Variants in CNTN5 observed in about 807,000 individuals in gnomAD.
The protein encoded by CNTN5 is contactin-5.
In CNTN5, 77 loss-of-function variants were observed where a neutral mutation model predicts 129.1. The ratio of observed to expected loss-of-function variants is 0.60; its 90% CI spans 0.50 to 0.72. The LOEUF is 0.72. Ranked by LOEUF, CNTN5 falls within the 30% of genes least tolerant of loss-of-function variation. The pLI is 0.00. For synonymous variants in CNTN5, 509 were observed against 465.6 expected (o/e 1.09, Z -1.20); for missense variants, 1,478 against 1,328.8 (o/e 1.11, Z -1.75).
At chr11:99,025,435 A>G (rs1863069290) in intron 1 of CNTN5, among the ~76,000 whole-genome samples, 1 of 151,822 alleles carries the variant, frequency 6.6e-6, no homozygotes, top group Admixed American at 6.6e-5. Flanking sequence ...GGGCGTAGAG[A>G]TGTTCTTCAT....
chr11:99,618,166 T>C (rs1482654948), intron 3 of CNTN5, among the ~76,000 whole-genome samples: 1 of 152,146 alleles, frequency 6.6e-6, no homozygotes, highest in Non-Finnish European at 1.5e-5. Context: ...ACCTTTACCC[T>C]CCTAAAAATT....
chr11:100,140,458 A>G (rs1946659752), intron 13 of CNTN5, among the ~76,000 whole-genome samples: 1 of 152,206 alleles, frequency 6.6e-6, no homozygotes, highest in South Asian at 2.1e-4. Flanking sequence ...AAGGACAGTG[A>G]GATTAATGAA....
At chr11:99,073,583 T>C (rs933337596) in intron 1 of CNTN5, among the ~76,000 whole-genome samples, 1 of 151,904 alleles carries the variant, frequency 6.6e-6, no homozygotes, top group Admixed American at 6.6e-5. Flanking sequence ...TGGTATATGA[T>C]GTTCCCCTTC....
intron 3 of CNTN5, among the ~76,000 whole-genome samples, chr11:99,798,205 C>T (rs757773330): frequency 3.3e-5 from 5 of 151,836 alleles, no homozygotes; most frequent in Admixed American, 6.6e-5. Context: ...TTAGAAGATG[C>T]GGCATTTGGT....
chr11:99,636,893 A>G (rs112677841), intron 3 of CNTN5, among the ~76,000 whole-genome samples: 47,921 of 94,954 alleles, frequency 0.5, 14,175 homozygotes, highest in Middle Eastern at 0.62. Context: ...CATGCCTGTA[A>G]TCCCAGCTAT....
chr11:100,159,159 A>C (rs1947355016), intron 13 of CNTN5, among the ~76,000 whole-genome samples: 1 of 151,876 alleles, frequency 6.6e-6, no homozygotes. Flanking sequence ...GTCAATGAAT[A>C]ATCATCACCA....
intron 3 of CNTN5, among the ~76,000 whole-genome samples, chr11:99,771,029 G>T (rs1944927680): frequency 6.6e-6 from 1 of 152,056 alleles, no homozygotes; most frequent in Non-Finnish European, 1.5e-5. Flanking sequence ...AGGGCATGAA[G>T]AATATAGAAT....
At chr11:99,320,225 G>A (rs1183795660) in intron 1 of CNTN5, among the ~76,000 whole-genome samples, 1 of 152,162 alleles carries the variant, frequency 6.6e-6, no homozygotes, top group Non-Finnish European at 1.5e-5. Flanking sequence ...CTGGGCAACA[G>A]AGCAAGACTC....
intron 3 of CNTN5, among the ~76,000 whole-genome samples, chr11:99,768,062 G>T (rs1237761957): frequency 1.3e-5 from 2 of 151,976 alleles, no homozygotes; most frequent in African/African-American, 2.4e-5. Context: ...CTTTTGCACT[G>T]CAAGACTGAG....
At chr11:100,122,805 T>A (rs942081560) in intron 13 of CNTN5, among the ~76,000 whole-genome samples, 13 of 152,054 alleles carry the variant, frequency 8.5e-5, no homozygotes, top group African/African-American at 3.1e-4. Flanking sequence ...AAAAGTACTT[T>A]GGATTTTTTC....
At chr11:100,079,642 T>A (rs910199373) in intron 13 of CNTN5, among the ~76,000 whole-genome samples, 1 of 125,046 alleles carries the variant, frequency 8.0e-6, no homozygotes, top group African/African-American at 2.5e-5. Flanking sequence ...TTTTAAAGAC[T>A]TTTTTTTTCA....
chr11:99,575,975 A>G (rs1439015127), intron 3 of CNTN5, among the ~76,000 whole-genome samples: 5 of 152,188 alleles, frequency 3.3e-5, no homozygotes, highest in Admixed American at 2.6e-4. Flanking sequence ...CAACTACCAC[A>G]CAGAGGGCCC....
intron 13 of CNTN5, among the ~76,000 whole-genome samples, chr11:100,102,819 A>G (rs1453481057): frequency 6.6e-6 from 1 of 152,116 alleles, no homozygotes; most frequent in Non-Finnish European, 1.5e-5. Flanking sequence ...TCCCTTCTGT[A>G]TTACCAGCAA....
chr11:99,342,993 G>C (rs1024510815), intron 2 of CNTN5, among the ~76,000 whole-genome samples: 2 of 151,908 alleles, frequency 1.3e-5, no homozygotes, highest in Non-Finnish European at 2.9e-5. Context: ...CAAAACAAAA[G>C]ACAAAATTTT....
chr11:99,955,613 G>A (rs375489787), intron 7 of CNTN5, among the ~76,000 whole-genome samples: 12 of 151,974 alleles, frequency 7.9e-5, no homozygotes, highest in Admixed American at 3.9e-4. Flanking sequence ...AGGCTGGAGT[G>A]CAGCGGCATG....
chr11:99,898,657 G>T (rs1288831960), intron 6 of CNTN5, among the ~76,000 whole-genome samples: 2 of 151,846 alleles, frequency 1.3e-5, no homozygotes, highest in Non-Finnish European at 2.9e-5. Context: ...GTTATTTAAA[G>T]AATATTCCTA....
At chr11:99,707,827 A>G (rs925369146) in intron 3 of CNTN5, among the ~76,000 whole-genome samples, 4 of 151,602 alleles carry the variant, frequency 2.6e-5, no homozygotes, top group Non-Finnish European at 5.9e-5. Context: ...CTCTATTATA[A>G]TATCTAATAT....
chr11:99,893,799 A>ATG (rs1949127851), intron 6 of CNTN5, among the ~76,000 whole-genome samples: 1 of 152,148 alleles, frequency 6.6e-6, no homozygotes, highest in African/African-American at 2.4e-5. Flanking sequence ...CTATCTATAT[A>ATG]TGTGTGTATA....
intron 3 of CNTN5, among the ~76,000 whole-genome samples, chr11:99,662,350 C>T (rs1423582325): frequency 6.6e-6 from 1 of 152,050 alleles, no homozygotes; most frequent in Non-Finnish European, 1.5e-5. Flanking sequence ...ACTGTGTAGA[C>T]AATCATATTG....
Sources: gnomAD v4.1 joint callset for allele counts (sites outside exome capture counted in the v4.1 genomes callset) on GRCh38, gnomAD v4.1.1 for gene constraint, MANE v1.5 for transcripts, NCBI Gene and HGNC (gene_info 2026-07-23, HGNC 2026-07-21) for gene names.